ZNF469: variants seen among roughly 807,000 people sequenced by gnomAD.
ZNF469 encodes zinc finger protein 469.
Under a neutral mutation model 1.0 loss-of-function variants are expected in ZNF469, and 1 was observed. The ratio of observed to expected loss-of-function variants is 1.00; its 90% CI spans 0.35 to 4.73. The LOEUF (loss-of-function observed/expected upper bound fraction) is 4.73, where lower values mean the gene tolerates loss of function less well. ZNF469 is among the 30% of genes most tolerant of loss of function. ZNF469 has a pLI of 0.16. For synonymous variants in ZNF469, 2,703 were observed against 2,363.4 expected (o/e 1.14, Z -4.17); for missense variants, 6,100 against 5,356.3 (o/e 1.14, Z -4.33).
chr16:88,277,747 T>G, the ZNF469 span, among the ~76,000 whole-genome samples: 1 of 66,824 alleles, frequency 1.5e-5, no homozygotes, highest in Non-Finnish European at 3.4e-5. Flanking sequence ...TCATTAGTGC[T>G]GTGCCACGCT....
chr16:88,226,505 T>C, the ZNF469 span, among the ~76,000 whole-genome samples: 2 of 152,088 alleles, frequency 1.3e-5, no homozygotes, highest in Non-Finnish European at 2.9e-5. Flanking sequence ...GCCCTCACCT[T>C]GATGTTGGGC....
chr16:88,255,578 A>G, the ZNF469 span, among the ~76,000 whole-genome samples: 1 of 152,244 alleles, frequency 6.6e-6, no homozygotes, highest in African/African-American at 2.4e-5. Flanking sequence ...CATTCATTCC[A>G]GCTTATAAAC....
At chr16:88,145,002 A>G in the ZNF469 span, among the ~76,000 whole-genome samples, 1 of 151,508 alleles carries the variant, frequency 6.6e-6, no homozygotes, top group African/African-American at 2.4e-5. Flanking sequence ...GGCTCCCACC[A>G]TGACGCCCAG....
chr16:88,122,598 T>G, the ZNF469 span, among the ~76,000 whole-genome samples: 5 of 151,906 alleles, frequency 3.3e-5, no homozygotes, highest in Non-Finnish European at 7.4e-5. Context: ...ACTTGGATAG[T>G]TGGTCAATAA....
In ZNF469 at chr16:88,430,412, G is replaced by A. The variant is rs999842142; in HGVS notation, c.2942G>A (p.Arg981Gln). 8 of 1,519,830 alleles carry A rather than the reference G, an allele frequency of 5.3e-6. No individual in the cohort carries two copies. Among genetic ancestry groups the A allele is most frequent in the African/African-American group, 2.8e-5 (2 of 72,396 alleles). The allele number at this position is 1,519,830 out of a possible 1,614,324, so 94.1% of individuals were successfully genotyped here. Residue 981 changes from arginine to glutamine, a missense_variant, in exon 3 of 3, where the codon CGG becomes CAG. By Grantham distance (43) the Arg-to-Gln change is conservative. Coordinates refer to ENST00000565624, the MANE Select transcript of ZNF469 (RefSeq NM_001367624.2). ...GGCAGAGCCTCCGGCCTGAGGCCCCGGAGGAACGACGGTCTCGGGGAGCGG... is the reference window on the plus strand; with the variant it reads ...GGCAGAGCCTCCGGCCTGAGGCCCCAGAGGAACGACGGTCTCGGGGAGCGG... The part of the protein sequence containing the change: ...GGGRASGLRP[R>Q]RNDGLGERPP...
chr16:88,231,423 G>A, the ZNF469 span, among the ~76,000 whole-genome samples: 1 of 152,266 alleles, frequency 6.6e-6, no homozygotes, highest in East Asian at 1.9e-4. This position sits in a 1 kb window ranked among gnomAD's most constrained non-coding sequence, Gnocchi z 4.5. Flanking sequence ...GAGGACAGGT[G>A]TGTCAGTGCC....
chr16:88,130,627 A>G, the ZNF469 span, among the ~76,000 whole-genome samples: 1 of 148,882 alleles, frequency 6.7e-6, no homozygotes, highest in Non-Finnish European at 1.5e-5. Context: ...AATCACTTGG[A>G]CCTGGGAGGC....
the ZNF469 span, among the ~76,000 whole-genome samples, chr16:88,218,269 G>A: frequency 0.28 from 39,211 of 141,964 alleles, 2,777 homozygotes; most frequent in Non-Finnish European, 0.38. Context: ...CATGTACTTC[G>A]CCCACTTTTT....
chr16:88,227,626 C>T, the ZNF469 span, among the ~76,000 whole-genome samples: 2 of 149,948 alleles, frequency 1.3e-5, no homozygotes, highest in East Asian at 4.0e-4. Context: ...CTCCCTGTGT[C>T]CCCGTCTCCC....
At chr16:88,143,576 CAGG>C in the ZNF469 span, among the ~76,000 whole-genome samples, 3,493 of 152,298 alleles carry the variant, frequency 0.023, 120 homozygotes, top group African/African-American at 0.079. Context: ...CTCCCTGCAG[CAGG>C]AGAAGAAAGC....
chr16:88,232,010 C>A, the ZNF469 span, among the ~76,000 whole-genome samples: 7 of 152,244 alleles, frequency 4.6e-5, no homozygotes, highest in Middle Eastern at 3.4e-3. Flanking sequence ...TCTGCATGGA[C>A]CCAGGCATGG....
chr16:88,379,698 G>A, upstream of ZNF469, among the ~76,000 whole-genome samples: 1 of 152,182 alleles, frequency 6.6e-6, no homozygotes, highest in East Asian at 1.9e-4. Context: ...AGTTGTAACA[G>A]TCCAAAGTGA....
chr16:88,401,761 G>T (rs374933571), intron 1 of ZNF469, among the ~76,000 whole-genome samples: 55 of 151,294 alleles, frequency 3.6e-4, no homozygotes, highest in African/African-American at 1.1e-3. Flanking sequence ...ATGGATGGAT[G>T]GGTAGATGGA....
At chr16:88,119,821 G>A in the ZNF469 span, among the ~76,000 whole-genome samples, 848 of 152,322 alleles carry the variant, frequency 5.6e-3, 9 homozygotes, top group East Asian at 0.035. Flanking sequence ...GGAGCGTGTC[G>A]TAGGGAGTGG....
the ZNF469 span, among the ~76,000 whole-genome samples, chr16:88,285,879 G>A: frequency 1.3e-5 from 2 of 152,258 alleles, no homozygotes; most frequent in African/African-American, 4.8e-5. Context: ...CTTGGCCTGT[G>A]GCCACAAGAA....
chr16:88,389,651 A>G (rs572166825), intron 1 of ZNF469, among the ~76,000 whole-genome samples: 2 of 152,230 alleles, frequency 1.3e-5, no homozygotes, highest in South Asian at 4.1e-4. Context: ...GGATGAGGCA[A>G]CCAGGCCAGG....
the ZNF469 span, chr16:88,178,436 C>G: frequency 6.6e-6 from 1 of 152,212 alleles, no homozygotes; most frequent in Non-Finnish European, 1.5e-5. Flanking sequence ...GGCACAGGGG[C>G]ACCAGGCCCT....
At chr16:88,322,666 A>T in the ZNF469 span, among the ~76,000 whole-genome samples, 4 of 152,282 alleles carry the variant, frequency 2.6e-5, no homozygotes, top group Admixed American at 2.0e-4. Flanking sequence ...CCTCCATCCC[A>T]CGGACTCCAG....
At chr16:88,254,520 G>C in the ZNF469 span, among the ~76,000 whole-genome samples, 2 of 152,332 alleles carry the variant, frequency 1.3e-5, no homozygotes, top group African/African-American at 4.8e-5. Context: ...CACTTGGGGA[G>C]GCCGAGGTGG....
Sources: gnomAD v4.1 joint callset for allele counts (sites outside exome capture counted in the v4.1 genomes callset) on GRCh38, gnomAD v4.1.1 for gene constraint, Gnocchi (gnomAD v3.1) non-coding constraint, MANE v1.5 for transcripts, NCBI Gene and HGNC (gene_info 2026-07-23, HGNC 2026-07-21) for gene names.